The following TUBGCP3 variants were observed in gnomAD, a reference collection of about 807,000 sequenced individuals.
TUBGCP3 encodes gamma-tubulin complex component 3.
In TUBGCP3, 50 loss-of-function variants were observed where a neutral mutation model predicts 123.1. The ratio of observed to expected loss-of-function variants is 0.41; its 90% CI spans 0.32 to 0.51. TUBGCP3 has a LOEUF of 0.51. Among genes scored for constraint, TUBGCP3 ranks in the 20% least tolerant of loss-of-function variants. TUBGCP3 has a pLI of 0.36. For missense variants in TUBGCP3, 882 were observed against 1,127.0 expected (o/e 0.78, Z 3.11); for synonymous variants, 405 against 413.9 (o/e 0.98, Z 0.26).
chr13:112,564,357 CTAACAG>C (rs1320300501), intron 3 of TUBGCP3, among the ~76,000 whole-genome samples: 4 of 152,226 alleles, frequency 2.6e-5, no homozygotes, highest in Non-Finnish European at 4.4e-5. Context: ...CTGTGTAACA[CTAACAG>C]TATTTGTTGC....
At chr13:112,518,378 A>T (rs1876333209) in intron 16 of TUBGCP3, among the ~76,000 whole-genome samples, 1 of 152,258 alleles carries the variant, frequency 6.6e-6, no homozygotes, top group Non-Finnish European at 1.5e-5. Context: ...AGATATAAAA[A>T]TGACTGAAGT....
At chr13:112,537,588 T>G (rs933694955) in intron 11 of TUBGCP3, among the ~76,000 whole-genome samples, 1 of 152,236 alleles carries the variant, frequency 6.6e-6, no homozygotes, top group Admixed American at 6.5e-5. Context: ...TCCTAAGAAC[T>G]ACTGGTATGT....
chr13:112,487,069 G>GTC (rs1456607527), intron 21 of TUBGCP3, among the ~76,000 whole-genome samples: 1 of 147,106 alleles, frequency 6.8e-6, no homozygotes, highest in Non-Finnish European at 1.5e-5. Flanking sequence ...GTGTGTGTGT[G>GTC]TGTGTGTGTG....
chr13:112,507,201 A>G (rs1881360839), intron 17 of TUBGCP3, among the ~76,000 whole-genome samples: 1 of 152,216 alleles, frequency 6.6e-6, no homozygotes. Context: ...GACAAATTCT[A>G]CAAGTCACAT....
intron 13 of TUBGCP3, 133 bp downstream of exon 13, chr13:112,526,809 C>CTGA: frequency 3.0e-6 from 2 of 669,610 alleles, no homozygotes; most frequent in Non-Finnish European, 5.2e-6. Flanking sequence ...CATCACATCA[C>CTGA]CATCATCCCC....
chr13:112,548,491 T>A (rs1415560347), intron 8 of TUBGCP3, among the ~76,000 whole-genome samples: 2 of 152,212 alleles, frequency 1.3e-5, no homozygotes, highest in Non-Finnish European at 2.9e-5. Flanking sequence ...CCTGTAGATC[T>A]AATTAAACTA....
At chr13:112,570,541 T>C (rs9577812) in intron 1 of TUBGCP3, among the ~76,000 whole-genome samples, 22,998 of 152,248 alleles carry the variant, frequency 0.15, 2,069 homozygotes, top group Non-Finnish European at 0.21. Context: ...AATACTTTAT[T>C]GCTAAAAAAT....
At chr13:112,584,647 G>A (rs1269857610) in intron 1 of TUBGCP3, among the ~76,000 whole-genome samples, 5 of 152,264 alleles carry the variant, frequency 3.3e-5, no homozygotes, top group South Asian at 4.1e-4. Context: ...AATCATCTTC[G>A]AATATGCTGT....
At chr13:112,553,972 G>C (rs369480554) in intron 8 of TUBGCP3, 85 bp downstream of exon 8, 1 of 1,543,048 alleles carries the variant, frequency 6.5e-7, no homozygotes, top group Non-Finnish European at 8.7e-7. Context: ...GCCTTAGAAG[G>C]AGCTATTTCA....
chr13:112,560,006 C>T (rs956965388), intron 3 of TUBGCP3, among the ~76,000 whole-genome samples: 2 of 152,064 alleles, frequency 1.3e-5, no homozygotes, highest in African/African-American at 4.8e-5. Flanking sequence ...TGGTATCACG[C>T]ACCTGTAGTC....
At chr13:112,547,822 C>A in intron 9 of TUBGCP3, 70 bp from the exon 10 acceptor site, 1 of 1,342,342 alleles carries the variant, frequency 7.4e-7, no homozygotes, top group Admixed American at 2.6e-5. Flanking sequence ...TAATCTATAT[C>A]AAGTGAACAT....
At chr13:112,496,127 T>C (rs2139203085) in intron 20 of TUBGCP3, among the ~76,000 whole-genome samples, 1 of 152,314 alleles carries the variant, frequency 6.6e-6, no homozygotes, top group South Asian at 2.1e-4. Context: ...AATAATTAAG[T>C]ACGATCATGT....
At chr13:112,533,893 A>T (rs1434413626) in intron 11 of TUBGCP3, among the ~76,000 whole-genome samples, 1 of 149,060 alleles carries the variant, frequency 6.7e-6, no homozygotes, top group Non-Finnish European at 1.5e-5. Context: ...GTGATCTGTG[A>T]GATTTTGGTG....
Position 112,569,194 on chromosome 13 carries a change from C to G in TUBGCP3, c.142G>C (p.Glu48Gln). Residue 48 changes from glutamate to glutamine, a missense_variant, in exon 2 of 22, where the codon GAA (glutamate) becomes CAA (glutamine). By Grantham distance (29) the Glu-to-Gln change is conservative (BLOSUM62 2). This residue lies in a region of TUBGCP3 where 713 missense variants were observed against 874.0 expected (regional missense o/e 0.82). Coordinates refer to ENST00000261965, the MANE Select transcript of TUBGCP3 (RefSeq NM_006322.6). ...VIGSNFAPTV[E>Q]RDEFLVAEKI... ...TCAGCTACTAAAAATTCATCTCTTT[C>G]AACAGTTGGGGCGAAGTTGCTGCCA... The G allele has an allele frequency of 1.2e-6, 2 of 1,614,122 alleles. No individual in the cohort carries two copies. Among genetic ancestry groups the G allele is most frequent in the Non-Finnish European group, 1.7e-6 (2 of 1,180,020 alleles).
rs1239889522 is a variant in TUBGCP3 at position 112,511,866 on chromosome 13, C to T, written c.2086+4574G>A. 6.6e-6 allele frequency among the ~76,000 whole-genome samples: 1 copy of T among 152,074 alleles called. No homozygotes were observed. Among genetic ancestry groups the T allele is most frequent in the South Asian group, 2.1e-4 (1 of 4,818 alleles). Reference sequence around the variant, plus strand: ...TTGAAAGCTTTCTAATTATAAGGGACCTGCTGGTTCAGATGTGGCCCCACC... The same window carrying T: ...TTGAAAGCTTTCTAATTATAAGGGATCTGCTGGTTCAGATGTGGCCCCACC... On this transcript the variant is annotated intron_variant, in intron 17 of 21. Transcript: ENST00000261965. This position sits in a 1 kb window ranked among gnomAD's most constrained non-coding sequence, Gnocchi z 4.1.
At chr13:112,566,025 C>T (rs1202010751) in intron 2 of TUBGCP3, among the ~76,000 whole-genome samples, 1 of 152,038 alleles carries the variant, frequency 6.6e-6, no homozygotes, top group East Asian at 1.9e-4. Flanking sequence ...TTCAAAATAG[C>T]TTATTAATTT....
At chr13:112,600,175 C>T in the TUBGCP3 span, among the ~76,000 whole-genome samples, 25,554 of 152,062 alleles carry the variant, frequency 0.17, 3,367 homozygotes, top group African/African-American at 0.36. Flanking sequence ...TCATCCCATC[C>T]GTCTCTGTGT....
the TUBGCP3 span, among the ~76,000 whole-genome samples, chr13:112,599,508 T>A: frequency 6.6e-6 from 1 of 152,098 alleles, no homozygotes; most frequent in Non-Finnish European, 1.5e-5. Context: ...TGGTTTTTTG[T>A]TTTTTGTTTT....
In TUBGCP3 at chr13:112,547,677, T is replaced by C; in HGVS notation, c.1111A>G (p.Thr371Ala). Residue 371 changes from threonine (T) to alanine (A), a missense_variant, in exon 10 of 22, where the codon ACC becomes GCC. Thr to Ala is a moderately conservative substitution (Grantham distance 58). Around this residue, in one of 3 missense-constraint regions of TUBGCP3, gnomAD observed 713 missense variants for 874.0 expected, o/e 0.82. Transcript: ENST00000261965. ...SLTLRRLLVW[T>A]YDPKIRLKTL... is the part of the protein sequence containing the mutation. ...TTCAGTCGTATTTTGGGATCATAGG[T>C]CCAAACCAGGAGGCGCCGAAGTGTT... is the stretch of plus-strand genomic sequence containing the variant. 6.3e-7 allele frequency: 1 copy of C among 1,586,544 alleles called. No homozygotes were observed. The highest frequency in any genetic ancestry group is 8.6e-7 in the Non-Finnish European group (1 of 1,163,824).
Sources: gnomAD v4.1 joint callset for allele counts (sites outside exome capture counted in the v4.1 genomes callset) on GRCh38, gnomAD v4.1.1 for gene constraint, gnomAD v4.1.1 regional missense constraint, Gnocchi (gnomAD v3.1) non-coding constraint, MANE v1.5 for transcripts, NCBI Gene and HGNC (gene_info 2026-07-23, HGNC 2026-07-21) for gene names.